CAST: variants seen among roughly 807,000 people sequenced by gnomAD.
CAST encodes the protein calpastatin.
In CAST, 76 loss-of-function variants were observed where a neutral mutation model predicts 119.6. That is an observed-to-expected ratio of 0.64 (90% CI 0.53 to 0.77). CAST has a LOEUF of 0.77. Among genes scored for constraint, CAST ranks in the 30% least tolerant of loss-of-function variants. The pLI, the probability that CAST is intolerant of heterozygous loss-of-function variation, is 0.00. For missense variants in CAST, 953 were observed against 946.5 expected (o/e 1.01, Z -0.09); for synonymous variants, 319 against 331.6 (o/e 0.96, Z 0.41).
intron 3 of CAST, among the ~76,000 whole-genome samples, chr5:96,718,459 C>T (rs1393783010): frequency 1.3e-5 from 2 of 151,670 alleles, no homozygotes; most frequent in African/African-American, 2.4e-5. Context: ...ATCACCTGGG[C>T]GATGAAATAA....
the CAST span, among the ~76,000 whole-genome samples, chr5:96,092,476 C>T: frequency 5.3e-5 from 8 of 152,294 alleles, no homozygotes; most frequent in Non-Finnish European, 7.3e-5. Context: ...TCTTCCCCTT[C>T]CAAACTTGAG....
At chr5:96,598,369 G>A (rs1747089941) in intron 1 of CAST, among the ~76,000 whole-genome samples, 1 of 152,158 alleles carries the variant, frequency 6.6e-6, no homozygotes, top group South Asian at 2.1e-4. Context: ...GTCAGCCTCA[G>A]ATATGACCAG....
intron 1 of CAST, among the ~76,000 whole-genome samples, chr5:96,590,627 G>T (rs1326277965): frequency 6.6e-6 from 1 of 152,198 alleles, no homozygotes; most frequent in African/African-American, 2.4e-5. Flanking sequence ...AATTTGATGG[G>T]ACGAACCAGA....
At chr5:96,487,714 A>C in the CAST span, among the ~76,000 whole-genome samples, 1 of 152,230 alleles carries the variant, frequency 6.6e-6, no homozygotes, top group Non-Finnish European at 1.5e-5. Context: ...GCCATAATTT[A>C]AATATTCCTC....
intron 1 of CAST, among the ~76,000 whole-genome samples, chr5:96,549,726 G>A (rs919726251): frequency 6.6e-6 from 1 of 152,244 alleles, no homozygotes; most frequent in Non-Finnish European, 1.5e-5. Context: ...GCAATTGGCA[G>A]ACCAGGATAT....
At chr5:96,181,257 A>C in the CAST span, among the ~76,000 whole-genome samples, 1 of 152,166 alleles carries the variant, frequency 6.6e-6, no homozygotes, top group Non-Finnish European at 1.5e-5. Context: ...TTGTTAGAAA[A>C]GTACAAAATT....
chr5:96,209,131 A>C, the CAST span, among the ~76,000 whole-genome samples: 176 of 151,942 alleles, frequency 1.2e-3, 1 homozygote, highest in Admixed American at 9.5e-3. Flanking sequence ...CTGAAATTAG[A>C]ATAGGAGCCC....
At chr5:96,167,887 GTGGGT>G in the CAST span, among the ~76,000 whole-genome samples, 2 of 152,170 alleles carry the variant, frequency 1.3e-5, no homozygotes, top group Admixed American at 6.5e-5. Context: ...GTGTAGGGAA[GTGGGT>G]GGGGGGGCCT....
chr5:96,469,449 C>A, the CAST span, among the ~76,000 whole-genome samples: 1 of 151,984 alleles, frequency 6.6e-6, no homozygotes, highest in South Asian at 2.1e-4. Context: ...TGACTGCCAA[C>A]GTGATTTTTT....
chr5:96,503,553 G>A, the CAST span, among the ~76,000 whole-genome samples: 1 of 152,214 alleles, frequency 6.6e-6, no homozygotes, highest in East Asian at 1.9e-4. Flanking sequence ...GTCTGCTGCT[G>A]CTACACGATT....
chr5:96,391,720 C>T, the CAST span: 2 of 152,216 alleles, frequency 1.3e-5, no homozygotes, highest in Non-Finnish European at 2.9e-5. Flanking sequence ...TCTAATCAGG[C>T]AGCTGCTACT....
At chr5:96,768,502 C>CT (rs553007301) in intron 29 of CAST, 24 of 405,784 alleles carry the variant, frequency 5.9e-5, no homozygotes, top group East Asian at 1.5e-4. Context: ...TGTGGATTTC[C>CT]TTTTTTTTCT....
chr5:96,662,517 G>C lies in CAST; in HGVS notation c.75+20G>C, dbSNP rs1748677579. 1.5e-6 allele frequency: 2 copies of C among 1,359,524 alleles called. No individual in the cohort carries two copies. Among genetic ancestry groups the C allele is most frequent in the African/African-American group, 1.5e-5 (1 of 65,224 alleles). 84.2% of individuals were successfully genotyped at this position (1,359,524 alleles called of 1,614,324 possible). A position where few individuals can be genotyped will look rare whatever the true frequency, so the allele number is the denominator to read the frequency against. ...CATGAGGTGAGTGGCGCTCCTGTCG[G>C]CGTCGCGGGGCTGGGCGATGGGGTA... is the stretch of plus-strand genomic sequence containing the variant. On this transcript the variant is annotated intron_variant, in intron 1 of 31. Transcript: ENST00000675179.
rs1420576692 is a variant in CAST at position 96,727,529 on chromosome 5, AG to A, written c.378+1del. The A allele has an allele frequency of 2.6e-6, 4 of 1,559,720 alleles. No individual in the cohort carries two copies. Among genetic ancestry groups the A allele is most frequent in the Non-Finnish European group, 2.6e-6 (3 of 1,143,974 alleles). ...TEPEKKSQST[K>X]LSVVHEKKSQ... ...CCTGAGAAGAAGTCACAGTCAACCA[AG>A]GTAAATAGTTTAAGTCTGTTAGTTA... On this transcript the variant is annotated frameshift_variant and splice_region_variant, in exon 6 of 32. Transcript: ENST00000675179. LOFTEE classifies it high-confidence loss of function.
chr5:96,581,859 C>T (rs569129060), intron 1 of CAST, among the ~76,000 whole-genome samples: 49 of 151,880 alleles, frequency 3.2e-4, no homozygotes, highest in African/African-American at 1.1e-3. Context: ...CCACTCCACT[C>T]CAGCCTGGGC....
chr5:96,251,760 C>T, the CAST span, among the ~76,000 whole-genome samples: 1 of 152,066 alleles, frequency 6.6e-6, no homozygotes, highest in East Asian at 1.9e-4. Flanking sequence ...CTTATGAGTA[C>T]AGGTAATGTA....
the CAST span, among the ~76,000 whole-genome samples, chr5:96,510,683 T>C: frequency 6.6e-6 from 1 of 152,234 alleles, no homozygotes; most frequent in Non-Finnish European, 1.5e-5. Context: ...GTATATTAGA[T>C]AATTCTTGAA....
At chr5:96,364,317 G>C in the CAST span, among the ~76,000 whole-genome samples, 7 of 152,180 alleles carry the variant, frequency 4.6e-5, no homozygotes, top group Middle Eastern at 3.2e-3. Context: ...TCTCTGCCAG[G>C]CTTTGGTATC....
At chr5:96,033,177 C>T in the CAST span, among the ~76,000 whole-genome samples, 1 of 152,002 alleles carries the variant, frequency 6.6e-6, no homozygotes, top group Admixed American at 6.6e-5. Flanking sequence ...TTGAAGAGGA[C>T]ACAAATAACT....
Sources: gnomAD v4.1 joint callset for allele counts (sites outside exome capture counted in the v4.1 genomes callset) on GRCh38, gnomAD v4.1.1 for gene constraint, MANE v1.5 for transcripts, NCBI Gene and HGNC (gene_info 2026-07-23, HGNC 2026-07-21) for gene names.